The following MAST2 variants were observed in gnomAD, a reference collection of about 807,000 sequenced individuals.
The protein encoded by MAST2 is microtubule-associated serine/threonine-protein kinase 2.
In MAST2, 70 loss-of-function variants were observed where a neutral mutation model predicts 147.4. The ratio of observed to expected loss-of-function variants is 0.47; its 90% CI spans 0.39 to 0.58. MAST2 has a LOEUF of 0.58. Among genes scored for constraint, MAST2 ranks in the 20% least tolerant of loss-of-function variants. The pLI is 0.00. For missense variants in MAST2, 2,080 were observed against 2,302.3 expected (o/e 0.90, Z 1.98); for synonymous variants, 869 against 896.8 (o/e 0.97, Z 0.55).
chr1:45,969,661 G>T (rs905205734), intron 5 of MAST2, among the ~76,000 whole-genome samples: 3 of 151,908 alleles, frequency 2.0e-5, no homozygotes, highest in Non-Finnish European at 4.4e-5. Flanking sequence ...GGACCATCTA[G>T]TTGCAGGAAA....
chr1:45,981,819 C>T (rs1644417598), intron 5 of MAST2, among the ~76,000 whole-genome samples: 1 of 149,368 alleles, frequency 6.7e-6, no homozygotes, highest in Non-Finnish European at 1.5e-5. Flanking sequence ...ATTCTGTCAA[C>T]AAACTTTAAA....
Position 46,025,754 on chromosome 1 carries a change from G to A in MAST2, c.1858G>A (p.Val620Met). The change falls in exon 16 of 29, where the codon GTG becomes ATG. Residue 620 changes from valine to methionine, a missense_variant. Val to Met is a conservative substitution (Grantham distance 21). Transcript: ENST00000361297. ...GGTGCGTCTATACTTTGCGGAAACT[G>A]TGCTGGCCCTGGAGTACTTACACAA... ...DMVRLYFAETVLALEYLHNYG... is the reference protein window; with the variant it reads ...DMVRLYFAETMLALEYLHNYG... The A allele has an allele frequency of 6.2e-7, 1 of 1,614,190 alleles. No individual in the cohort carries two copies. The highest frequency in any genetic ancestry group is 8.5e-7 in the Non-Finnish European group (1 of 1,180,040).
intron 19 of MAST2, 71 bp downstream of exon 19, chr1:46,029,638 G>A: frequency 1.3e-6 from 2 of 1,482,956 alleles, no homozygotes; most frequent in Non-Finnish European, 1.9e-6. Context: ...ATGTACCCTG[G>A]AGGTTCAGGC....
chr1:45,809,653 CAAACAAA>C (rs1176357449), intron 1 of MAST2, among the ~76,000 whole-genome samples: 3 of 152,054 alleles, frequency 2.0e-5, no homozygotes, highest in African/African-American at 7.2e-5. Flanking sequence ...AAAAAACAAA[CAAACAAA>C]AAACAAAAAC....
intron 1 of MAST2, among the ~76,000 whole-genome samples, chr1:45,805,535 T>C (rs760432845): frequency 2.0e-5 from 3 of 152,208 alleles, no homozygotes; most frequent in Non-Finnish European, 4.4e-5. Context: ...TGCAGTATCA[T>C]CTAGTCAAAA....
intron 5 of MAST2, among the ~76,000 whole-genome samples, chr1:45,967,112 C>T (rs1661345372): frequency 6.6e-6 from 1 of 151,718 alleles, no homozygotes; most frequent in African/African-American, 2.4e-5. Flanking sequence ...CTCACTCTGT[C>T]ACCCAGGCTG....
intron 4 of MAST2, among the ~76,000 whole-genome samples, chr1:45,940,582 A>G (rs1207455145): frequency 6.6e-6 from 1 of 151,782 alleles, no homozygotes; most frequent in Non-Finnish European, 1.5e-5. Context: ...AGAGTAGAGT[A>G]GTCTTCAGTG....
At chr1:45,866,904 C>T (rs1475828899) in intron 3 of MAST2, among the ~76,000 whole-genome samples, 1 of 152,058 alleles carries the variant, frequency 6.6e-6, no homozygotes, top group Non-Finnish European at 1.5e-5. Flanking sequence ...CATGTGCCAC[C>T]ACACCTGGCT....
intron 4 of MAST2, among the ~76,000 whole-genome samples, chr1:45,905,372 A>G (rs1650517182): frequency 6.6e-6 from 1 of 151,818 alleles, no homozygotes; most frequent in Non-Finnish European, 1.5e-5. Flanking sequence ...TTTTTAGTAG[A>G]GACTGGATTT....
chr1:46,029,021 T>G (rs1646528337), intron 18 of MAST2, 88 bp downstream of exon 18: 1 of 1,407,500 alleles, frequency 7.1e-7, no homozygotes, highest in African/African-American at 1.4e-5. Context: ...GCCTGTGAGC[T>G]CTTGTTCTGA....
chr1:45,954,598 C>T (rs2148882245), intron 4 of MAST2, among the ~76,000 whole-genome samples: 1 of 152,272 alleles, frequency 6.6e-6, no homozygotes, highest in South Asian at 2.1e-4. Flanking sequence ...AGTACTTCAT[C>T]TTACTGGAAT....
At chr1:45,898,112 A>G (rs1649062834) in intron 4 of MAST2, among the ~76,000 whole-genome samples, 1 of 152,158 alleles carries the variant, frequency 6.6e-6, no homozygotes, top group African/African-American at 2.4e-5. Flanking sequence ...CTGTCTCTCA[A>G]AAACAAACAA....
intron 5 of MAST2, among the ~76,000 whole-genome samples, chr1:45,963,130 T>C (rs1660675776): frequency 6.6e-6 from 1 of 152,220 alleles, no homozygotes; most frequent in African/African-American, 2.4e-5. Context: ...GATATCTCTG[T>C]TTTGGTACCA....
rs71587722 is a variant in MAST2 at position 45,888,663 on chromosome 1, C to CTTTTTTTTTTTTTTTTTTT, written c.500+6286_500+6304dup. ...AGGCGTGAGCCACCGCGCGCGGCCT[C>CTTTTTTTTTTTTTTTTTTT]TTTTTTTTTTTTTTTTTTTTTTTTT... On this transcript the variant is annotated intron_variant, in intron 4 of 28. Coordinates refer to ENST00000361297, the MANE Select transcript of MAST2 (RefSeq NM_015112.3). Among the ~76,000 whole-genome samples, 19 of 48,726 alleles carry CTTTTTTTTTTTTTTTTTTT rather than the reference C, an allele frequency of 3.9e-4. 2 individuals carry two copies. The highest frequency in any genetic ancestry group is 7.0e-4 in the South Asian group (1 of 1,428). 32.0% of individuals were successfully genotyped at this position (48,726 alleles called of 152,430 possible). A position where few individuals can be genotyped will look rare whatever the true frequency, so the allele number is the denominator to read the frequency against.
chr1:45,873,986 A>G (rs930361352), intron 3 of MAST2, among the ~76,000 whole-genome samples: 2 of 151,956 alleles, frequency 1.3e-5, no homozygotes, highest in Admixed American at 6.6e-5. Flanking sequence ...ATGCCCAGCT[A>G]TTTTTTGTAG....
intron 3 of MAST2, among the ~76,000 whole-genome samples, chr1:45,845,314 G>A (rs575011258): frequency 3.9e-5 from 6 of 152,208 alleles, no homozygotes; most frequent in Admixed American, 3.9e-4. Flanking sequence ...ATCAGTGCTA[G>A]TCTTTTTGTT....
chr1:45,807,583 C>T (rs1644177774), intron 1 of MAST2, among the ~76,000 whole-genome samples: 1 of 151,652 alleles, frequency 6.6e-6, no homozygotes, highest in African/African-American at 2.4e-5. Flanking sequence ...ACTTTGTTGC[C>T]CAGGCTGGAG....
At chr1:45,877,131 G>A (rs1646641272) in intron 3 of MAST2, among the ~76,000 whole-genome samples, 1 of 152,232 alleles carries the variant, frequency 6.6e-6, no homozygotes, top group African/African-American at 2.4e-5. Flanking sequence ...CACAGTCCTG[G>A]AGTCTGAGAA....
In MAST2 at chr1:46,034,669, C is replaced by A. The variant is rs1315030922; in HGVS notation, c.4000C>A (p.Arg1334=). Residue 1334 remains arginine, a synonymous_variant, in exon 29 of 29, where the codon CGG becomes AGG. Coordinates refer to ENST00000361297, the MANE Select transcript of MAST2 (RefSeq NM_015112.3). ...GCTCCAACGCCAGTACCGCTCTCCA[C>A]GGCGCAAGTCAGCAGGCAGCATCCC... The part of the protein sequence containing the change: ...PKLQRQYRSP[R]RKSAGSIPLS... The A allele has an allele frequency of 5.0e-6, 8 of 1,614,206 alleles. No individual in the cohort carries two copies. The highest frequency in any genetic ancestry group is 6.8e-6 in the Non-Finnish European group (8 of 1,180,028).
Sources: allele counts gnomAD v4.1 joint callset (sites outside exome capture counted in the v4.1 genomes callset), GRCh38; gene constraint gnomAD v4.1.1; transcripts MANE v1.5; gene names NCBI Gene and HGNC (gene_info 2026-07-23, HGNC 2026-07-21).